The following THSD7B variants were observed in gnomAD, a reference collection of about 807,000 sequenced individuals.
The protein encoded by THSD7B is thrombospondin type 1 domain containing 7B.
In THSD7B, 138 loss-of-function variants were observed where a neutral mutation model predicts 213.6. The observed-to-expected ratio is 0.65, with a 90% CI of 0.56 to 0.74. The LOEUF is 0.74. Among genes scored for constraint, THSD7B ranks in the 30% least tolerant of loss-of-function variants. The pLI is 0.00. For missense variants in THSD7B, 1,931 were observed against 1,991.5 expected (o/e 0.97, Z 0.58); for synonymous variants, 742 against 687.0 (o/e 1.08, Z -1.25).
At chr2:137,628,375 C>A (rs759436108) in intron 20 of THSD7B, among the ~76,000 whole-genome samples, 38 of 152,174 alleles carry the variant, frequency 2.5e-4, no homozygotes, top group South Asian at 6.2e-4. Context: ...ATTTTTTAAT[C>A]CATAAACAAA....
intron 10 of THSD7B, among the ~76,000 whole-genome samples, chr2:137,252,415 G>A (rs1682205785): frequency 6.6e-6 from 1 of 152,094 alleles, no homozygotes; most frequent in Non-Finnish European, 1.5e-5. Flanking sequence ...ATTACAGTTG[G>A]AAGTAATGCT....
At chr2:136,951,205 G>A (rs116014904) in intron 2 of THSD7B, among the ~76,000 whole-genome samples, 1,847 of 152,096 alleles carry the variant, frequency 0.012, 35 homozygotes, top group African/African-American at 0.042. Flanking sequence ...TTTGAGAGCC[G>A]GCCTTTGAGA....
At chr2:137,561,854 C>A (rs1334050035) in intron 15 of THSD7B, among the ~76,000 whole-genome samples, 1 of 152,096 alleles carries the variant, frequency 6.6e-6, no homozygotes, top group Non-Finnish European at 1.5e-5. Flanking sequence ...TAATTCCTTT[C>A]TTTCCACACA....
At chr2:137,404,262 C>T (rs1686442912) in intron 12 of THSD7B, among the ~76,000 whole-genome samples, 1 of 151,216 alleles carries the variant, frequency 6.6e-6, no homozygotes, top group Non-Finnish European at 1.5e-5. Flanking sequence ...AGTAGAATTA[C>T]CATTTGATCC....
chr2:137,508,465 C>T (rs1251796124), intron 15 of THSD7B, among the ~76,000 whole-genome samples: 2 of 150,720 alleles, frequency 1.3e-5, no homozygotes, highest in Non-Finnish European at 3.0e-5. Context: ...CAAGCTCCGC[C>T]TCCCGGGTTC....
intron 2 of THSD7B, among the ~76,000 whole-genome samples, chr2:136,972,646 G>A (rs1046276734): frequency 3.9e-5 from 6 of 152,204 alleles, no homozygotes; most frequent in Non-Finnish European, 8.8e-5. Context: ...AAGGGCGATC[G>A]TTGGTTCATT....
chr2:137,139,957 T>C (rs550215032), intron 5 of THSD7B, among the ~76,000 whole-genome samples: 1 of 152,244 alleles, frequency 6.6e-6, no homozygotes, highest in Admixed American at 6.6e-5. Context: ...ATTATTCGAA[T>C]TGGTTTTTAT....
chr2:137,004,753 C>T (rs1686071100), intron 2 of THSD7B, among the ~76,000 whole-genome samples: 2 of 152,110 alleles, frequency 1.3e-5, no homozygotes, highest in African/African-American at 4.8e-5. Context: ...TAAAATATCT[C>T]GTTTCCATAT....
chr2:137,509,330 T>C (rs1381630191), intron 15 of THSD7B, among the ~76,000 whole-genome samples: 1 of 151,538 alleles, frequency 6.6e-6, no homozygotes, highest in Non-Finnish European at 1.5e-5. Context: ...TTCTCTTTCT[T>C]TCTTTCTTTT....
intron 12 of THSD7B, among the ~76,000 whole-genome samples, chr2:137,375,215 A>G (rs1191074739): frequency 2.6e-5 from 4 of 152,178 alleles, no homozygotes; most frequent in African/African-American, 7.2e-5. Flanking sequence ...TTCCTGACTT[A>G]AAGAAGTTAT....
chr2:136,987,755 C>T (rs1341543015), intron 2 of THSD7B, among the ~76,000 whole-genome samples: 1 of 152,022 alleles, frequency 6.6e-6, no homozygotes, highest in Non-Finnish European at 1.5e-5. Context: ...AAGATTGTGC[C>T]AAATATTTTA....
rs1165648372 is a variant in THSD7B at position 137,412,030 on chromosome 2, G to A, written c.2959+158G>A. The A allele has an allele frequency of 3.7e-6, 3 of 801,824 alleles. No homozygotes were observed. The Admixed American group carries it at 8.8e-5, about 24-fold the overall frequency. The allele number at this position is 801,824 out of a possible 1,614,324, so 49.7% of individuals were successfully genotyped here. On this transcript the variant is annotated intron_variant, in intron 14 of 27. Transcript: ENST00000409968. ...CTCATAAAATATGGACAGATGAAAT[G>A]CATACATCTGTATCTCAATGATTAT...
intron 7 of THSD7B, among the ~76,000 whole-genome samples, chr2:137,173,232 G>T (rs747936698): frequency 6.6e-6 from 1 of 152,132 alleles, no homozygotes; most frequent in Non-Finnish European, 1.5e-5. Flanking sequence ...CTGAAGAATT[G>T]GTCGAAGAGC....
At chr2:137,629,505 C>A (rs56265165) in intron 20 of THSD7B, among the ~76,000 whole-genome samples, 11,597 of 152,190 alleles carry the variant, frequency 0.076, 643 homozygotes, top group Non-Finnish European at 0.12. Flanking sequence ...TGTTTGTCTA[C>A]AAACAACAAA....
chr2:136,859,191 A>G (rs1302258714), intron 1 of THSD7B, among the ~76,000 whole-genome samples: 1 of 152,208 alleles, frequency 6.6e-6, no homozygotes, highest in African/African-American at 2.4e-5. Context: ...AGTCTTCACT[A>G]TGAACATCTT....
intron 1 of THSD7B, among the ~76,000 whole-genome samples, chr2:136,765,943 C>G (rs540790463): frequency 1.3e-5 from 2 of 152,222 alleles, no homozygotes; most frequent in Non-Finnish European, 2.9e-5. Context: ...ACCCTCTAGG[C>G]GGGCGGGGAC....
chr2:137,529,719 A>G, intron 15 of THSD7B, among the ~76,000 whole-genome samples: 1 of 152,098 alleles, frequency 6.6e-6, no homozygotes, highest in Non-Finnish European at 1.5e-5. Flanking sequence ...GGTTAAAAAA[A>G]TCATCAGAAG....
At chr2:136,966,707 CCT>C (rs1193941035) in intron 2 of THSD7B, among the ~76,000 whole-genome samples, 5 of 152,104 alleles carry the variant, frequency 3.3e-5, no homozygotes, top group Admixed American at 1.3e-4. Context: ...CTGGCATCAT[CCT>C]CTCTTTTCCG....
At position 137,326,723 on chromosome 2, in the gene THSD7B, A is replaced by T. The variant is rs1314214689; in HGVS notation, c.2500+50697A>T. Among the ~76,000 whole-genome samples the T allele has an allele frequency of 2.0e-5, 3 of 152,194 alleles. No individual in the cohort carries two copies. The East Asian group carries it at 5.8e-4, about 29-fold the overall frequency. ...TTGGAGATATTAAAATAAATAGAAG[A>T]TGCTGGAATGAACAGTTTTGGGGGA... On this transcript the variant is annotated intron_variant, in intron 12 of 27. Coordinates refer to ENST00000409968, the MANE Select transcript of THSD7B (RefSeq NM_001316349.2).
Sources: allele counts gnomAD v4.1 joint callset (sites outside exome capture counted in the v4.1 genomes callset), GRCh38; gene constraint gnomAD v4.1.1; transcripts MANE v1.5; gene names NCBI Gene and HGNC (gene_info 2026-07-23, HGNC 2026-07-21).